The following KLK11 variants were observed in gnomAD, a reference collection of about 807,000 sequenced individuals.
KLK11 encodes kallikrein-11.
In KLK11, 10 loss-of-function variants were observed where a neutral mutation model predicts 23.4. That is an observed-to-expected ratio of 0.43 (90% CI 0.26 to 0.73). KLK11 has a LOEUF of 0.73. Among genes scored for constraint, KLK11 ranks in the 30% least tolerant of loss-of-function variants. The pLI is 0.22. For synonymous variants in KLK11, 131 were observed against 131.7 expected, an observed-to-expected ratio of 0.99 and a Z score of 0.03; for missense variants, 285 against 327.8, an observed-to-expected ratio of 0.87 and a Z score of 1.01.
At position 51,023,405 on chromosome 19, in the gene KLK11, G is replaced by A. The variant is rs189802004; in HGVS notation, c.464-177C>T. 1.8e-3 allele frequency: 1,145 copies of A among 631,760 alleles called. 12 individuals carry two copies. The highest frequency in any genetic ancestry group is 0.011 in the Middle Eastern group (23 of 2,086). 39.1% of individuals were successfully genotyped at this position (631,760 alleles called of 1,614,324 possible). Reference sequence around the variant, plus strand: ...CCAGCTTTTTTTTTTTTTTTTTCGAGACAGAGTCTTGCTCTGTTGCCCAGG... The same window carrying A: ...CCAGCTTTTTTTTTTTTTTTTTCGAAACAGAGTCTTGCTCTGTTGCCCAGG... On this transcript the variant is annotated intron_variant, in intron 4 of 5. Transcript: ENST00000453757.
chr19:51,023,001 G>A, intron 5 of KLK11, 91 bp downstream of exon 5: 1 of 1,417,036 alleles, frequency 7.1e-7, no homozygotes, highest in Non-Finnish European at 9.7e-7. Flanking sequence ...GGGGTCGGCG[G>A]GTTGAGGTTG....
chr19:51,022,457 T>G lies in KLK11; in HGVS notation c.*88A>C. On this transcript the variant is annotated 3_prime_UTR_variant, in exon 6 of 6. Transcript: ENST00000453757. ...CCCAAAGAATGTTCGTAGAGGGTCT[T>G]GGCTTAGGGTTTCTTATTAACAGAG... is the stretch of plus-strand genomic sequence containing the variant. 1 of 1,519,298 alleles carries G rather than the reference T, an allele frequency of 6.6e-7. No individual in the cohort carries two copies. Among genetic ancestry groups the G allele is most frequent in the African/African-American group, 1.4e-5 (1 of 73,022 alleles). 94.1% of individuals were successfully genotyped at this position (1,519,298 alleles called of 1,614,324 possible).
Position 51,023,196 on chromosome 19 carries a change from T to G in KLK11, c.496A>C (p.Ile166Leu). ...RLPHTLRCAN[I>L]TIIEHQKCEN... ...CACTTCTGGTGCTCAATGATGGTGA[T>G]GTTGGCGCATCGCAAGGTGTGAGGC... is the stretch of plus-strand genomic sequence containing the variant. Residue 166 changes from isoleucine to leucine, a missense_variant, in exon 5 of 6, where the codon ATC becomes CTC. Transcript: ENST00000453757. The G allele has an allele frequency of 6.2e-7, 1 of 1,613,664 alleles. No individual in the cohort carries two copies. The highest frequency in any genetic ancestry group is 8.5e-7 in the Non-Finnish European group (1 of 1,179,918).
intron 5 of KLK11, among the ~76,000 whole-genome samples, 188 bp from the exon 6 acceptor site, chr19:51,022,885 G>A (rs935976847): frequency 6.6e-6 from 1 of 152,162 alleles, no homozygotes; most frequent in East Asian, 1.9e-4. Context: ...TCAAAAACGA[G>A]TTTGGGGATG....
upstream of KLK11, chr19:51,027,294 G>T: frequency 1.4e-6 from 1 of 694,938 alleles, no homozygotes; most frequent in East Asian, 2.6e-5. Flanking sequence ...CGGAGGGTGG[G>T]GGAGGCAGGT....
upstream of KLK11, chr19:51,027,430 G>T (rs1373527926): frequency 8.1e-6 from 13 of 1,612,178 alleles, no homozygotes; most frequent in Non-Finnish European, 1.1e-5. Flanking sequence ...TGCCGCCCAG[G>T]CAGCCCGAGT....
chr19:51,027,311 C>T, upstream of KLK11: 3 of 811,234 alleles, frequency 3.7e-6, no homozygotes, highest in Non-Finnish European at 6.1e-6. Flanking sequence ...AGGTCAGGGC[C>T]TGTGGAAGCC....
chr19:51,027,887 A>G (rs574302363), upstream of KLK11: 7 of 188,468 alleles, frequency 3.7e-5, no homozygotes, highest in Non-Finnish European at 7.7e-5. Context: ...ATCACCCCTC[A>G]CTCCCTCCCT....
chr19:51,024,842 A>T lies in KLK11; in HGVS notation c.41-48T>A, dbSNP rs775922273. ...AAGGGGCTCAGGAAGGAGAGGTGGT[A>T]GACCAGGAGGACTCCCAGAAATGGG... On this transcript the variant is annotated intron_variant, in intron 2 of 5. Coordinates refer to ENST00000453757, the MANE Select transcript of KLK11 (RefSeq NM_001136032.3). This position sits in a 1 kb window ranked among gnomAD's most constrained non-coding sequence, Gnocchi z 6.2. 2 of 1,492,848 alleles carry T rather than the reference A, an allele frequency of 1.3e-6. No homozygotes were observed. Among genetic ancestry groups the T allele is most frequent in the Non-Finnish European group, 1.8e-6 (2 of 1,123,894 alleles). 92.5% of individuals were successfully genotyped at this position (1,492,848 alleles called of 1,614,324 possible).
Position 51,024,897 on chromosome 19 carries a change from T to C in KLK11, c.41-103A>G. The C allele has an allele frequency of 8.6e-7, 1 of 1,164,332 alleles. No individual in the cohort carries two copies. Among genetic ancestry groups the C allele is most frequent in the Non-Finnish European group, 1.2e-6 (1 of 860,008 alleles). The allele number at this position is 1,164,332 out of a possible 1,614,324, so 72.1% of individuals were successfully genotyped here. ...GGGAGGAGAGAAAGAGAGTGGGTGG[T>C]CTGGGCCCTGGTCTGGTGTCCCTCT... On this transcript the variant is annotated intron_variant, in intron 2 of 5. Coordinates refer to ENST00000453757, the MANE Select transcript of KLK11 (RefSeq NM_001136032.3). This position sits in a 1 kb window ranked among gnomAD's most constrained non-coding sequence, Gnocchi z 6.2.
At position 51,025,923 on chromosome 19, in the gene KLK11, G is replaced by A. The variant is rs867701437; in HGVS notation, c.-35-257C>T. 7 of 323,178 alleles carry A rather than the reference G, an allele frequency of 2.2e-5. No individual in the cohort carries two copies. The highest frequency in any genetic ancestry group is 9.8e-5 in the South Asian group (1 of 10,244). The allele number at this position is 323,178 out of a possible 1,614,324, so 20.0% of individuals were successfully genotyped here. A position where few individuals can be genotyped will look rare whatever the true frequency, so the allele number is the denominator to read the frequency against. ...AGATACCAAGAACCATGTGGAAGTC[G>A]TTGGGAGGGGCTTTGAGCTGTCAAG... On this transcript the variant is annotated intron_variant, in intron 1 of 5. Transcript: ENST00000453757. This position sits in a 1 kb window ranked among gnomAD's most constrained non-coding sequence, Gnocchi z 6.2.
intron 4 of KLK11, 42 bp from the exon 5 acceptor site, chr19:51,023,270 C>T: frequency 6.3e-7 from 1 of 1,598,842 alleles, no homozygotes; most frequent in Non-Finnish European, 8.5e-7. Context: ...GAGCCCCCTG[C>T]CACCTCCCCT....
chr19:51,027,363 C>G (rs1233106854), upstream of KLK11: 4 of 1,309,228 alleles, frequency 3.1e-6, no homozygotes, highest in Admixed American at 6.8e-5. Context: ...GTGCTCCACC[C>G]CAGGGCTCCT....
Sources: allele counts gnomAD v4.1 joint callset (sites outside exome capture counted in the v4.1 genomes callset), GRCh38; gene constraint gnomAD v4.1.1; non-coding constraint Gnocchi (gnomAD v3.1); transcripts MANE v1.5; gene names NCBI Gene and HGNC (gene_info 2026-07-23, HGNC 2026-07-21).